Variants in FHIT observed in about 807,000 individuals in gnomAD.
FHIT encodes bis(5'-adenosyl)-triphosphatase.
A neutral mutation model predicts 17.9 loss-of-function variants in FHIT; 19 were observed. The observed-to-expected ratio is 1.06, with a 90% CI of 0.74 to 1.56. The LOEUF is 1.56. Among genes scored for constraint, FHIT ranks in the 40% most tolerant of loss-of-function variants. The pLI is 0.00. For synonymous variants in FHIT, 81 were observed against 69.7 expected, an observed-to-expected ratio of 1.16 and a Z score of -0.81; for missense variants, 248 against 189.2, an observed-to-expected ratio of 1.31 and a Z score of -1.82.
chr3:61,064,206 G>GA lies in FHIT; in HGVS notation c.-163-22108dup, dbSNP rs1418228804. 6.0e-5 allele frequency among the ~76,000 whole-genome samples: 9 copies of GA among 149,538 alleles called. No individual in the cohort carries two copies. In the East Asian group the frequency reaches 1.7e-3, roughly 29 times the overall value. On this transcript the variant is annotated intron_variant, in intron 2 of 9. Transcript: ENST00000492590. ...AAGATATCTGCTAAGAGACTTTAAG[G>GA]AAAGATTTTCTTTCCTGAAATGGAA...
intron 5 of FHIT, among the ~76,000 whole-genome samples, chr3:60,105,517 C>T (rs997051867): frequency 1.1e-4 from 17 of 152,146 alleles, no homozygotes; most frequent in African/African-American, 4.1e-4. Context: ...CCTCATTCAA[C>T]CTTTTATGCC....
chr3:61,025,374 A>G (rs972004474), intron 3 of FHIT, among the ~76,000 whole-genome samples: 1 of 152,234 alleles, frequency 6.6e-6, no homozygotes, highest in African/African-American at 2.4e-5. Context: ...CAGTGACCAA[A>G]TGTCACTCTA....
At chr3:61,244,180 AG>A (rs1268535935) in intron 1 of FHIT, 1 of 152,130 alleles carries the variant, frequency 6.6e-6, no homozygotes, top group Non-Finnish European at 1.5e-5. Context: ...AACAAACAAA[AG>A]AAATCACACA....
chr3:61,160,767 A>G (rs2037665915), intron 2 of FHIT, among the ~76,000 whole-genome samples: 1 of 152,234 alleles, frequency 6.6e-6, no homozygotes, highest in Non-Finnish European at 1.5e-5. Flanking sequence ...CTATTTCTCT[A>G]CATTTCTCTT....
intron 7 of FHIT, among the ~76,000 whole-genome samples, chr3:59,929,017 A>AAAGGACAGATAAT: frequency 6.7e-6 from 1 of 150,288 alleles, no homozygotes; most frequent in African/African-American, 2.5e-5. Context: ...AAAAAAAAAA[A>AAAGGACAGATAAT]AAAGGACAGA....
chr3:60,057,365 C>A (rs568489253), intron 5 of FHIT, among the ~76,000 whole-genome samples: 24 of 152,142 alleles, frequency 1.6e-4, no homozygotes, highest in Non-Finnish European at 3.4e-4. Context: ...TGATGTGCCA[C>A]CAACAAACAC....
At chr3:59,883,785 T>C (rs55720112) in intron 8 of FHIT, among the ~76,000 whole-genome samples, 4,024 of 152,336 alleles carry the variant, frequency 0.026, 52 homozygotes, top group South Asian at 0.064. Context: ...TTAACTGTTT[T>C]CTTGGCTATC....
intron 3 of FHIT, among the ~76,000 whole-genome samples, chr3:60,872,323 G>A (rs922723495): frequency 6.6e-6 from 1 of 152,104 alleles, no homozygotes; most frequent in East Asian, 1.9e-4. Context: ...AACATAAGTT[G>A]TCCAGCTCAG....
At chr3:60,321,246 G>A (rs1709413573) in intron 5 of FHIT, among the ~76,000 whole-genome samples, 1 of 152,184 alleles carries the variant, frequency 6.6e-6, no homozygotes, top group Non-Finnish European at 1.5e-5. Context: ...CTGGGAGGCT[G>A]GGGCAGGCAG....
intron 5 of FHIT, among the ~76,000 whole-genome samples, chr3:60,344,584 A>T (rs1203400623): frequency 6.6e-6 from 1 of 152,190 alleles, no homozygotes; most frequent in Non-Finnish European, 1.5e-5. Flanking sequence ...AAAGGCAAAC[A>T]CTGGAGGAGG....
intron 5 of FHIT, among the ~76,000 whole-genome samples, chr3:60,447,868 G>T (rs912290183): frequency 6.6e-6 from 1 of 152,108 alleles, no homozygotes; most frequent in African/African-American, 2.4e-5. Flanking sequence ...AAAGATGGGG[G>T]AAATGACCAA....
At chr3:60,476,764 G>C (rs150440867) in intron 5 of FHIT, among the ~76,000 whole-genome samples, 1,879 of 152,174 alleles carry the variant, frequency 0.012, 19 homozygotes, top group South Asian at 0.044. Flanking sequence ...GGCGCAGAAC[G>C]GGAATGTGAA....
At chr3:60,149,331 T>C (rs1043120287) in intron 5 of FHIT, among the ~76,000 whole-genome samples, 2 of 131,650 alleles carry the variant, frequency 1.5e-5, no homozygotes, top group Non-Finnish European at 3.4e-5. Context: ...TTGGATATAC[T>C]CTTCAACATG....
At chr3:60,276,981 T>C (rs1271629546) in intron 5 of FHIT, among the ~76,000 whole-genome samples, 6 of 152,078 alleles carry the variant, frequency 3.9e-5, no homozygotes, top group Non-Finnish European at 7.4e-5. Context: ...CAACCAACAA[T>C]GGGGATTACA....
rs201958097 is a variant in FHIT, at chr3:60,237,262, A to ATTTTTT, written c.104-223116_104-223111dup. 1.8e-3 allele frequency among the ~76,000 whole-genome samples: 223 copies of ATTTTTT among 124,800 alleles called. 3 individuals are homozygous for ATTTTTT. Among genetic ancestry groups the ATTTTTT allele is most frequent in the African/African-American group, 6.2e-3 (205 of 33,010 alleles). The allele number at this position is 124,800 out of a possible 152,430, so 81.9% of individuals were successfully genotyped here. ...GAATATTAACAGGTTTTGTTTTTCC[A>ATTTTTT]TTTTTTTTTTTTTTTTTTTGGTTAA... On this transcript the variant is annotated intron_variant, in intron 5 of 9. Transcript: ENST00000492590.
chr3:60,248,309 C>G (rs1462577597), intron 5 of FHIT, among the ~76,000 whole-genome samples: 2 of 152,098 alleles, frequency 1.3e-5, no homozygotes. Context: ...CAATTCAGAA[C>G]TTTCATATCA....
At chr3:60,559,922 G>A (rs1441926244) in intron 4 of FHIT, among the ~76,000 whole-genome samples, 3 of 152,124 alleles carry the variant, frequency 2.0e-5, no homozygotes, top group Non-Finnish European at 4.4e-5. Flanking sequence ...AATGGCATGA[G>A]GTCTTTTCTT....
intron 4 of FHIT, among the ~76,000 whole-genome samples, chr3:60,653,971 T>C (rs1380581706): frequency 6.6e-6 from 1 of 152,202 alleles, no homozygotes; most frequent in Non-Finnish European, 1.5e-5. Context: ...GACAGATCCC[T>C]CATAAATGGC....
At chr3:60,107,107 G>A (rs561624813) in intron 5 of FHIT, among the ~76,000 whole-genome samples, 2 of 149,786 alleles carry the variant, frequency 1.3e-5, no homozygotes, top group African/African-American at 4.9e-5. Context: ...CTAGGAAAAG[G>A]CTCATTTGAT....
Sources: allele counts gnomAD v4.1 joint callset (sites outside exome capture counted in the v4.1 genomes callset), GRCh38; gene constraint gnomAD v4.1.1; transcripts MANE v1.5; gene names NCBI Gene and HGNC (gene_info 2026-07-23, HGNC 2026-07-21).